Variants in LOXL3 observed in about 807,000 individuals in gnomAD.
LOXL3 encodes lysyl oxidase homolog 3.
In LOXL3, 60 loss-of-function variants were observed where a neutral mutation model predicts 91.8. The observed-to-expected ratio is 0.65, with a 90% CI of 0.53 to 0.81. The LOEUF is 0.81. Ranked by LOEUF, LOXL3 falls within the 30% of genes least tolerant of loss-of-function variation. LOXL3 has a pLI of 0.00. For synonymous variants in LOXL3, 355 were observed against 387.6 expected (o/e 0.92, Z 0.99); for missense variants, 874 against 1,000.4 (o/e 0.87, Z 1.70).
At position 74,532,431 on chromosome 2, in the gene LOXL3, G is replaced by A. The variant is rs893624200; in HGVS notation, c.*1175C>T. The stretch of plus-strand genomic sequence containing the variant: ...TTGTCATTTGGTGCCCTCATGTGGT[G>A]TACATCTTTTATGTACATGTTGCAC... On this transcript the variant is annotated 3_prime_UTR_variant, in exon 14 of 14. Coordinates refer to ENST00000264094, the MANE Select transcript of LOXL3 (RefSeq NM_032603.5). The A allele has an allele frequency of 6.2e-6, 4 of 646,340 alleles. No individual in the cohort carries two copies. The highest frequency in any genetic ancestry group is 1.6e-5 in the South Asian group (1 of 61,848). 40.0% of individuals were successfully genotyped at this position (646,340 alleles called of 1,614,324 possible). A position where few individuals can be genotyped will look rare whatever the true frequency, so the allele number is the denominator to read the frequency against.
Position 74,535,290 on chromosome 2 carries a change from A to C in LOXL3, c.1579+2T>G, listed in dbSNP as rs1232169124. On this transcript the variant is annotated splice_donor_variant, in intron 9 of 13. Transcript: ENST00000264094. LOFTEE classifies it high-confidence loss of function. The surrounding 1 kb of genome is among the most constrained non-coding windows in gnomAD (Gnocchi z 4.2). ...GCATGCATCACCCCCTCCTTCACTC[A>C]CTCTCAGAACAGATGACTCCAGCAG... is the stretch of plus-strand genomic sequence containing the variant. The C allele has an allele frequency of 1.2e-6, 2 of 1,606,022 alleles. No homozygotes were observed. The highest frequency in any genetic ancestry group is 2.2e-5 in the East Asian group (1 of 44,638).
At chr2:74,555,155 G>A, upstream of LOXL3, 1 of 1,610,992 alleles carries the variant, frequency 6.2e-7, no homozygotes, top group Non-Finnish European at 8.5e-7. The surrounding 1 kb of genome is among the most constrained non-coding windows in gnomAD (Gnocchi z 6.1). Context: ...TCTCCCTAGA[G>A]GTGGAGGAAG....
Position 74,536,564 on chromosome 2 carries a change from G to A in LOXL3, c.913-93C>T. On this transcript the variant is annotated intron_variant, in intron 5 of 13. Coordinates refer to ENST00000264094, the MANE Select transcript of LOXL3 (RefSeq NM_032603.5). This position sits in a 1 kb window ranked among gnomAD's most constrained non-coding sequence, Gnocchi z 4.5. ...GGAGATGAGTGAGACTTTGGTGGAA[G>A]GGAGTGGGTGGTATCAGGTCTGTGG... 1 of 1,461,250 alleles carries A rather than the reference G, an allele frequency of 6.8e-7. No homozygotes were observed. Among genetic ancestry groups the A allele is most frequent in the Non-Finnish European group, 9.3e-7 (1 of 1,071,080 alleles). 90.5% of individuals were successfully genotyped at this position (1,461,250 alleles called of 1,614,324 possible). A position where few individuals can be genotyped will look rare whatever the true frequency, so the allele number is the denominator to read the frequency against.
At position 74,536,790 on chromosome 2, in the gene LOXL3, T is replaced by G; in HGVS notation, c.831A>C (p.Ala277=). The change falls in exon 5 of 14, where the codon GCA becomes GCC. Residue 277 remains alanine, a synonymous_variant. Transcript: ENST00000264094. This position sits in a 1 kb window ranked among gnomAD's most constrained non-coding sequence, Gnocchi z 4.5. ...CAGGGCCTGGCACACAGCTCACCAC[T>G]GCAGGGCCCCCCCCAGGGCACCTGG... The part of the protein sequence containing the change: ...DTARCPGGGP[A]VVSCVPGPVY... 2 of 1,614,150 alleles carry G rather than the reference T, an allele frequency of 1.2e-6. No individual in the cohort carries two copies. Among genetic ancestry groups the G allele is most frequent in the Non-Finnish European group, 1.7e-6 (2 of 1,180,016 alleles).
intron 4 of LOXL3, chr2:74,539,928 G>C (rs1676228190): frequency 6.5e-6 from 1 of 152,722 alleles, no homozygotes; most frequent in Non-Finnish European, 1.5e-5. Flanking sequence ...CCAGGGGCAA[G>C]ATTTCTCTTC....
chr2:74,543,900 C>CAAAAAAAAAAAAAAAAAAAAAAAAA (rs960168777), intron 4 of LOXL3, among the ~76,000 whole-genome samples: 16 of 65,082 alleles, frequency 2.5e-4, no homozygotes, highest in Non-Finnish European at 5.4e-4. Flanking sequence ...GGCTCTGTCT[C>CAAAAAAAAAAAAAAAAAAAAAAAAA]AAAAAAAAAA....
intron 2 of LOXL3, among the ~76,000 whole-genome samples, chr2:74,551,141 C>T (rs971142249): frequency 6.6e-6 from 1 of 152,182 alleles, no homozygotes; most frequent in Admixed American, 6.5e-5. Context: ...ACCATGTTGG[C>T]CAGGCTGGTC....
At position 74,549,175 on chromosome 2, in the gene LOXL3, A is replaced by T. The variant is rs187257589; in HGVS notation, c.692+194T>A. 51 of 504,314 alleles carry T rather than the reference A, an allele frequency of 1.0e-4. No homozygotes were observed. Among genetic ancestry groups the T allele is most frequent in the African/African-American group, 9.4e-4 (47 of 50,016 alleles). The allele number at this position is 504,314 out of a possible 1,614,324, so 31.2% of individuals were successfully genotyped here. On this transcript the variant is annotated intron_variant, in intron 4 of 13. Transcript: ENST00000264094. The surrounding 1 kb of genome is among the most constrained non-coding windows in gnomAD (Gnocchi z 5.3). ...AGCCTCGCTGGTCCCCATTTCAGGT[A>T]CTCCCTTGGGGCACCTTTCGTGGTC... is the stretch of plus-strand genomic sequence containing the variant.
At chr2:74,537,076 C>T (rs919905479) in intron 4 of LOXL3, 148 bp from the exon 5 acceptor site, 22 of 707,558 alleles carry the variant, frequency 3.1e-5, no homozygotes, top group South Asian at 2.2e-4. Context: ...ATGTTTCCCT[C>T]GGGAGATACA....
At chr2:74,540,342 A>C (rs1306604029) in intron 4 of LOXL3, among the ~76,000 whole-genome samples, 1 of 152,210 alleles carries the variant, frequency 6.6e-6, no homozygotes, top group African/African-American at 2.4e-5. Flanking sequence ...GAGCATCGTT[A>C]GGATTGTTAA....
In LOXL3 at chr2:74,549,933, G is replaced by T. The variant is rs1676893205; in HGVS notation, c.477+252C>A. ...GCAGGAACATTTGAGGAGAAGGAGAGCACCAGGTGCCCCAGGGGTGACTAG... is the reference window on the plus strand; with the variant it reads ...GCAGGAACATTTGAGGAGAAGGAGATCACCAGGTGCCCCAGGGGTGACTAG... On this transcript the variant is annotated intron_variant, in intron 3 of 13. Coordinates refer to ENST00000264094, the MANE Select transcript of LOXL3 (RefSeq NM_032603.5). This position sits in a 1 kb window ranked among gnomAD's most constrained non-coding sequence, Gnocchi z 5.3. The T allele has an allele frequency of 2.4e-5, 24 of 981,844 alleles. No homozygotes were observed. Among genetic ancestry groups the T allele is most frequent in the Non-Finnish European group, 2.9e-5 (24 of 826,772 alleles). 60.8% of individuals were successfully genotyped at this position (981,844 alleles called of 1,614,324 possible).
At position 74,532,461 on chromosome 2, in the gene LOXL3, T is replaced by C. The variant is rs553860810; in HGVS notation, c.*1145A>G. 38 of 688,958 alleles carry C rather than the reference T, an allele frequency of 5.5e-5. 1 individual carries two copies. Among genetic ancestry groups the C allele is most frequent in the South Asian group, 5.0e-4 (33 of 66,256 alleles). The allele number at this position is 688,958 out of a possible 1,614,324, so 42.7% of individuals were successfully genotyped here. ...TCTTTTATGTACATGTTGCACTTTA[T>C]TGCTAGAAGACAGAAAGTGAGTTGC... On this transcript the variant is annotated 3_prime_UTR_variant, in exon 14 of 14. Coordinates refer to ENST00000264094, the MANE Select transcript of LOXL3 (RefSeq NM_032603.5).
rs1370090451 is a variant in LOXL3, at chr2:74,539,621, G to C, written c.693-2693C>G. 2.6e-5 allele frequency among the ~76,000 whole-genome samples: 4 copies of C among 152,174 alleles called. No homozygotes were observed. In the South Asian group the frequency reaches 8.3e-4, roughly 31 times the overall value. On this transcript the variant is annotated intron_variant, in intron 4 of 13. Coordinates refer to ENST00000264094, the MANE Select transcript of LOXL3 (RefSeq NM_032603.5). ...CCTCCTTGTGTTCCCTAAGATCAAA[G>C]CTTGCCCATCCCCATGCCTGCTCCC...
In LOXL3 at chr2:74,532,837, G is replaced by C. The variant is rs2104381534; in HGVS notation, c.*769C>G. 1 of 1,614,110 alleles carries C rather than the reference G, an allele frequency of 6.2e-7. No homozygotes were observed. Among genetic ancestry groups the C allele is most frequent in the Non-Finnish European group, 8.5e-7 (1 of 1,180,026 alleles). On this transcript the variant is annotated 3_prime_UTR_variant, in exon 14 of 14. Transcript: ENST00000264094. ...CTCTATAGGGCTGGTCTGCGGCCTGGTGATGTGATTTTGGCCATTGGGGAG... is the reference window on the plus strand; with the variant it reads ...CTCTATAGGGCTGGTCTGCGGCCTGCTGATGTGATTTTGGCCATTGGGGAG...
intron 12 of LOXL3, 32 bp from the exon 13 acceptor site, chr2:74,534,025 C>G: frequency 1.2e-6 from 2 of 1,611,320 alleles, no homozygotes; most frequent in Non-Finnish European, 8.5e-7. Flanking sequence ...CTTAACCCAG[C>G]GACAATCCTC....
At chr2:74,551,226 GC>G (rs1676989741) in intron 2 of LOXL3, among the ~76,000 whole-genome samples, 1 of 152,246 alleles carries the variant, frequency 6.6e-6, no homozygotes, top group African/African-American at 2.4e-5. Context: ...GAGCCACTGA[GC>G]CCGGCCTGAA....
rs1311742846 is a variant in LOXL3, at chr2:74,533,637, T to C, written c.2231A>G (p.Tyr744Cys). 1 of 1,613,906 alleles carries C rather than the reference T, an allele frequency of 6.2e-7. No homozygotes were observed. Among genetic ancestry groups the C allele is most frequent in the South Asian group, 1.1e-5 (1 of 91,054 alleles). ...AATCTGGTTGCTGGTCTGGCCAGGGTAGCGTTCAAACCTCCTGTTGGCCTC... is the reference window on the plus strand; with the variant it reads ...AATCTGGTTGCTGGTCTGGCCAGGGCAGCGTTCAAACCTCCTGTTGGCCTC... ...SEEANRRFER[Y>C]PGQTSNQII The change falls in exon 14 of 14, where the codon TAC becomes TGC. Residue 744 changes from tyrosine (Y) to cysteine (C), a missense_variant. Physicochemically the swap from Tyr to Cys is radical, Grantham distance 194 (BLOSUM62 -2). Coordinates refer to ENST00000264094, the MANE Select transcript of LOXL3 (RefSeq NM_032603.5).
chr2:74,554,560 G>T, upstream of LOXL3: 2 of 604,828 alleles, frequency 3.3e-6, no homozygotes, highest in Non-Finnish European at 5.8e-6. This position sits in a 1 kb window ranked among gnomAD's most constrained non-coding sequence, Gnocchi z 4.9. Flanking sequence ...AGGGGCCTGG[G>T]GTGCTGCAGC....
chr2:74,547,245 T>C (rs1002446745), intron 4 of LOXL3, among the ~76,000 whole-genome samples: 7 of 152,216 alleles, frequency 4.6e-5, no homozygotes, highest in Non-Finnish European at 4.4e-5. Flanking sequence ...TCTCGAATTC[T>C]TGGGCTCAAA....
Sources: allele counts gnomAD v4.1 joint callset (sites outside exome capture counted in the v4.1 genomes callset), GRCh38; gene constraint gnomAD v4.1.1; non-coding constraint Gnocchi (gnomAD v3.1); transcripts MANE v1.5; gene names NCBI Gene and HGNC (gene_info 2026-07-23, HGNC 2026-07-21).